The following HDAC9 variants were observed in gnomAD, a reference collection of about 807,000 sequenced individuals.
The protein encoded by HDAC9 is MEF-2 interacting transcription repressor (MITR) protein.
HDAC9 carries 41 observed loss-of-function variants against 139.4 expected under a neutral mutation model. The observed-to-expected ratio is 0.29, with a 90% CI of 0.23 to 0.38. HDAC9 has a LOEUF of 0.38. HDAC9 is among the 10% of genes least tolerant of loss of function. The pLI is 1.00. For synonymous variants in HDAC9, 517 were observed against 476.2 expected, an observed-to-expected ratio of 1.09 and a Z score of -1.12; for missense variants, 1,147 against 1,297.0, an observed-to-expected ratio of 0.88 and a Z score of 1.78.
chr7:18,183,226 G>C (rs533287463), intron 2 of HDAC9, among the ~76,000 whole-genome samples: 152 of 152,158 alleles, frequency 1.0e-3, no homozygotes, highest in Admixed American at 1.8e-3. Flanking sequence ...AGCCAGGATG[G>C]TCTTGATCTT....
At chr7:18,833,193 C>G (rs933059361) in intron 19 of HDAC9, among the ~76,000 whole-genome samples, 1 of 152,184 alleles carries the variant, frequency 6.6e-6, no homozygotes. Flanking sequence ...ATAATAATGT[C>G]TGTTGAAAAT....
chr7:18,272,022 C>CAAT (rs1796385183), intron 2 of HDAC9, among the ~76,000 whole-genome samples: 1 of 152,020 alleles, frequency 6.6e-6, no homozygotes, highest in Non-Finnish European at 1.5e-5. Context: ...ATTTGTTGAA[C>CAAT]AATAACAGCC....
intron 21 of HDAC9, among the ~76,000 whole-genome samples, chr7:18,863,406 A>G (rs1277727825): frequency 6.6e-6 from 1 of 152,152 alleles, no homozygotes; most frequent in Non-Finnish European, 1.5e-5. Flanking sequence ...GCCCAACACA[A>G]ATTCGTAAAC....
chr7:18,273,056 G>GT (rs746089054), intron 2 of HDAC9, among the ~76,000 whole-genome samples: 1,148 of 84,706 alleles, frequency 0.014, 184 homozygotes, highest in Middle Eastern at 0.026. Flanking sequence ...CCCCTTCTTC[G>GT]TTTTTTTTTT....
intron 21 of HDAC9, among the ~76,000 whole-genome samples, chr7:18,855,734 G>A (rs992759151): frequency 3.9e-5 from 6 of 151,954 alleles, no homozygotes; most frequent in African/African-American, 1.4e-4. Context: ...AAGAAAAGAG[G>A]GAGAAGGGAT....
chr7:18,106,629 T>C (rs1028448196), intron 1 of HDAC9, among the ~76,000 whole-genome samples: 7 of 152,134 alleles, frequency 4.6e-5, no homozygotes, highest in African/African-American at 1.7e-4. Flanking sequence ...ATTTTTTATA[T>C]TTTTGGTAAA....
chr7:18,472,655 A>G (rs921073549), intron 1 of HDAC9, among the ~76,000 whole-genome samples: 1 of 152,110 alleles, frequency 6.6e-6, no homozygotes, highest in Admixed American at 6.5e-5. Flanking sequence ...TGTTTTTCAG[A>G]TCTCAGGTCA....
At chr7:18,706,438 T>C (rs1226060689) in intron 12 of HDAC9, among the ~76,000 whole-genome samples, 1 of 152,218 alleles carries the variant, frequency 6.6e-6, no homozygotes, top group Non-Finnish European at 1.5e-5. Context: ...AACAAGCTGT[T>C]CCCACTAATT....
intron 1 of HDAC9, among the ~76,000 whole-genome samples, chr7:18,477,704 A>G (rs1352351535): frequency 6.6e-6 from 1 of 152,168 alleles, no homozygotes; most frequent in Non-Finnish European, 1.5e-5. Context: ...ATTTAATGTT[A>G]TGTCGATTCT....
intron 17 of HDAC9, among the ~76,000 whole-genome samples, chr7:18,814,814 G>T (rs6965278): frequency 1.3e-5 from 2 of 151,948 alleles, no homozygotes; most frequent in African/African-American, 2.4e-5. Context: ...AGAACATTTA[G>T]AATTAGAATA....
At chr7:18,190,236 C>T (rs930763804) in intron 2 of HDAC9, among the ~76,000 whole-genome samples, 26 of 152,172 alleles carry the variant, frequency 1.7e-4, no homozygotes, top group Non-Finnish European at 3.5e-4. Context: ...TGAGCCACCA[C>T]GCCCGGCCAT....
chr7:18,698,142 A>G (rs1012996611), intron 12 of HDAC9, among the ~76,000 whole-genome samples: 7 of 152,180 alleles, frequency 4.6e-5, no homozygotes, highest in African/African-American at 1.4e-4. Flanking sequence ...TTTGATCAGA[A>G]TTTAATATAA....
chr7:18,500,931 CATA>C (rs1212453163), intron 2 of HDAC9, among the ~76,000 whole-genome samples: 6 of 151,306 alleles, frequency 4.0e-5, no homozygotes, highest in East Asian at 3.9e-4. Context: ...AATGGAAAAT[CATA>C]ATGATTATAG....
At chr7:18,161,018 A>C (rs1787593996) in intron 1 of HDAC9, among the ~76,000 whole-genome samples, 1 of 152,206 alleles carries the variant, frequency 6.6e-6, no homozygotes, top group South Asian at 2.1e-4. Context: ...TTGCTTTCTC[A>C]TTGACACAGA....
rs201153661 is a variant in HDAC9, at chr7:18,652,768, AG to A, written c.1467+4086del. On this transcript the variant is annotated intron_variant, in intron 11 of 25. Transcript: ENST00000686413. ...TAAATCCATAAGAGCAGGAATTTTA[AG>A]AAAATTCATACTTTGTTTAGTAGTT... Among the ~76,000 whole-genome samples the A allele has an allele frequency of 8.9e-3, 1,352 of 152,238 alleles. 19 individuals are homozygous for A. The highest frequency in any genetic ancestry group is 0.031 in the African/African-American group (1,282 of 41,572).
At chr7:18,852,327 T>A (rs906592356) in intron 21 of HDAC9, among the ~76,000 whole-genome samples, 2 of 152,160 alleles carry the variant, frequency 1.3e-5, no homozygotes, top group Non-Finnish European at 2.9e-5. Flanking sequence ...AATCCAAGTC[T>A]TGTGAGTAGC....
At chr7:18,542,119 A>G (rs1813186169) in intron 2 of HDAC9, among the ~76,000 whole-genome samples, 1 of 152,182 alleles carries the variant, frequency 6.6e-6, no homozygotes, top group South Asian at 2.1e-4. Context: ...AGAAGTTGCC[A>G]TAAGACCCCG....
At position 18,307,097 on chromosome 7, in the gene HDAC9, T is replaced by TTGTGTGTGTG. The variant is rs56020648; in HGVS notation, c.-42+16620_-42+16629dup. Among the ~76,000 whole-genome samples the TTGTGTGTGTG allele has an allele frequency of 4.9e-3, 661 of 134,816 alleles. 4 individuals carry two copies. The highest frequency in any genetic ancestry group is 0.012 in the Middle Eastern group (3 of 256). The allele number at this position is 134,816 out of a possible 152,430, so 88.4% of individuals were successfully genotyped here. A position where few individuals can be genotyped will look rare whatever the true frequency, so the allele number is the denominator to read the frequency against. On this transcript the variant is annotated intron_variant, in intron 1 of 3. Transcript: ENST00000413509. ...CCCTTCAGCTACAGGAGGGCAGTTC[T>TTGTGTGTGTG]TGTGTGTGTGTGTGTGTGTGTGTGT...
intron 19 of HDAC9, among the ~76,000 whole-genome samples, chr7:18,834,181 A>G (rs1796058152): frequency 6.6e-6 from 1 of 152,240 alleles, no homozygotes; most frequent in African/African-American, 2.4e-5. Flanking sequence ...TGTTGAAAAT[A>G]GCATGATTCT....
Sources: allele counts gnomAD v4.1 joint callset (sites outside exome capture counted in the v4.1 genomes callset), GRCh38; gene constraint gnomAD v4.1.1; transcripts MANE v1.5; gene names NCBI Gene and HGNC (gene_info 2026-07-23, HGNC 2026-07-21).